The following NMNAT2 variants were observed in gnomAD, a reference collection of about 807,000 sequenced individuals.
NMNAT2 encodes nicotinamide nucleotide adenylyltransferase 2, also known as nicotinamide/nicotinic acid mononucleotide adenylyltransferase 2.
NMNAT2 carries 11 observed loss-of-function variants against 41.6 expected under a neutral mutation model. The ratio of observed to expected loss-of-function variants is 0.26; its 90% CI spans 0.17 to 0.44. The LOEUF (loss-of-function observed/expected upper bound fraction) is 0.44, where lower values mean the gene tolerates loss of function less well. Among genes scored for constraint, NMNAT2 ranks in the 20% least tolerant of loss-of-function variants. The pLI is 1.00. For synonymous variants in NMNAT2, 148 were observed against 151.2 expected, an observed-to-expected ratio of 0.98 and a Z score of 0.16; for missense variants, 288 against 407.7, an observed-to-expected ratio of 0.71 and a Z score of 2.53.
intron 1 of NMNAT2, among the ~76,000 whole-genome samples, chr1:183,295,868 G>A (rs760779708): frequency 6.6e-6 from 1 of 151,896 alleles, no homozygotes; most frequent in Non-Finnish European, 1.5e-5. Context: ...TTTTCTTTGA[G>A]AGGAAGTCTC....
chr1:183,289,933 CG>C (rs1335966382), intron 4 of NMNAT2, among the ~76,000 whole-genome samples, 194 bp downstream of exon 4: 1 of 152,238 alleles, frequency 6.6e-6, no homozygotes, highest in Non-Finnish European at 1.5e-5. Context: ...TGGTGCTACT[CG>C]GGGTTCCTCA....
At chr1:183,306,282 T>C (rs571258433) in intron 1 of NMNAT2, among the ~76,000 whole-genome samples, 4 of 150,772 alleles carry the variant, frequency 2.7e-5, no homozygotes, top group African/African-American at 7.2e-5. Flanking sequence ...TATCTTAACA[T>C]GGTAAAAGGA....
chr1:183,292,377 A>C (rs1661566481), intron 3 of NMNAT2, among the ~76,000 whole-genome samples: 1 of 152,194 alleles, frequency 6.6e-6, no homozygotes, highest in Non-Finnish European at 1.5e-5. Context: ...AGGGAGCCTG[A>C]GTTCAGGAAT....
intron 1 of NMNAT2, among the ~76,000 whole-genome samples, chr1:183,389,966 A>G (rs1379357196): frequency 6.6e-6 from 1 of 151,638 alleles, no homozygotes; most frequent in African/African-American, 2.4e-5. Flanking sequence ...TAAACTCTTA[A>G]CTATCTAAAA....
intron 1 of NMNAT2, among the ~76,000 whole-genome samples, chr1:183,406,812 C>CTTTTT (rs58394186): frequency 3.4e-5 from 3 of 88,662 alleles, no homozygotes; most frequent in African/African-American, 4.3e-5. Flanking sequence ...TCTGCCATTC[C>CTTTTT]TTTTTTTTTT....
intron 1 of NMNAT2, among the ~76,000 whole-genome samples, chr1:183,395,034 C>T (rs1269913729): frequency 6.6e-6 from 1 of 152,134 alleles, no homozygotes; most frequent in Non-Finnish European, 1.5e-5. Flanking sequence ...CCATGGGCAA[C>T]CAGGTATTCA....
Position 183,288,852 on chromosome 1 carries a change from G to A in NMNAT2, c.321+1276C>T, listed in dbSNP as rs148156841. 1.2e-4 allele frequency among the ~76,000 whole-genome samples: 19 copies of A among 152,360 alleles called. No individual in the cohort carries two copies. In the East Asian group the frequency reaches 3.7e-3, roughly 29 times the overall value. ...CTGCTATTGTGGAGACCAGCACAGA[G>A]GAGCAAGTCAGTGTGGCCCCAAGTC... On this transcript the variant is annotated intron_variant, in intron 4 of 10. Coordinates refer to ENST00000287713, the MANE Select transcript of NMNAT2 (RefSeq NM_015039.4).
chr1:183,260,944 A>G, intron 10 of NMNAT2, 58 bp downstream of exon 10: 1 of 1,353,930 alleles, frequency 7.4e-7, no homozygotes, highest in South Asian at 1.2e-5. Context: ...GAGGAAATTT[A>G]TGTGGAGACT....
At chr1:183,300,416 A>C (rs201333218) in intron 1 of NMNAT2, among the ~76,000 whole-genome samples, 1 of 116,216 alleles carries the variant, frequency 8.6e-6, no homozygotes, top group Non-Finnish European at 1.9e-5. Flanking sequence ...TCTAAAAAAA[A>C]GAAAAAAAAA....
At chr1:183,261,849 G>C (rs770967539) in intron 8 of NMNAT2, among the ~76,000 whole-genome samples, 24 of 152,190 alleles carry the variant, frequency 1.6e-4, no homozygotes, top group Admixed American at 1.3e-4. Flanking sequence ...CTGTGATAGG[G>C]AGATGATGAT....
chr1:183,341,724 C>CAAAAAAAAAAAA (rs1557883660), intron 1 of NMNAT2, among the ~76,000 whole-genome samples: 3 of 15,822 alleles, frequency 1.9e-4, no homozygotes, highest in African/African-American at 3.9e-4. Context: ...CAAACAAACA[C>CAAAAAAAAAAAA]CAAAAAAAAA....
chr1:183,407,599 A>C (rs1375373152), intron 1 of NMNAT2, among the ~76,000 whole-genome samples: 1 of 152,208 alleles, frequency 6.6e-6, no homozygotes, highest in Non-Finnish European at 1.5e-5. Context: ...AAACCATATG[A>C]CCTTGGCTAG....
intron 1 of NMNAT2, among the ~76,000 whole-genome samples, chr1:183,341,748 C>CAA (rs369432128): frequency 3.8e-5 from 3 of 79,840 alleles, no homozygotes; most frequent in East Asian, 4.6e-4. Flanking sequence ...AAAAAAAAAA[C>CAA]CTGTTTCCTT....
chr1:183,392,818 A>G (rs549286209), intron 1 of NMNAT2, among the ~76,000 whole-genome samples: 35 of 152,328 alleles, frequency 2.3e-4, no homozygotes, highest in Non-Finnish European at 4.0e-4. Context: ...AGTCACCTCA[A>G]TGTGATTCCC....
chr1:183,355,119 T>G (rs1164946515), intron 1 of NMNAT2, among the ~76,000 whole-genome samples: 1 of 152,144 alleles, frequency 6.6e-6, no homozygotes, highest in Non-Finnish European at 1.5e-5. Flanking sequence ...CCTTGCCCCT[T>G]TCTTCCTCAG....
chr1:183,368,772 A>G (rs1191643510), intron 1 of NMNAT2, among the ~76,000 whole-genome samples: 1 of 152,142 alleles, frequency 6.6e-6, no homozygotes, highest in Non-Finnish European at 1.5e-5. Context: ...CGTTGATACC[A>G]CTTAATTGGA....
At chr1:183,304,531 C>G in intron 1 of NMNAT2, 1 of 721,070 alleles carries the variant, frequency 1.4e-6, no homozygotes, top group South Asian at 1.8e-5. Context: ...AGGCTGATGT[C>G]CCTAAACAGG....
chr1:183,405,083 G>A (rs368043671), intron 1 of NMNAT2, among the ~76,000 whole-genome samples: 12 of 152,106 alleles, frequency 7.9e-5, no homozygotes, highest in African/African-American at 1.2e-4. Flanking sequence ...AGCCAGGCGC[G>A]GTTGAATGTG....
At chr1:183,373,116 A>G (rs964136551) in intron 1 of NMNAT2, among the ~76,000 whole-genome samples, 6 of 152,256 alleles carry the variant, frequency 3.9e-5, no homozygotes, top group Non-Finnish European at 8.8e-5. Flanking sequence ...TTACTGAGGC[A>G]GTCAGCCCTA....
Sources: gnomAD v4.1 joint callset for allele counts (sites outside exome capture counted in the v4.1 genomes callset) on GRCh38, gnomAD v4.1.1 for gene constraint, MANE v1.5 for transcripts, NCBI Gene and HGNC (gene_info 2026-07-23, HGNC 2026-07-21) for gene names.